RET: variants seen among roughly 807,000 people sequenced by gnomAD.
RET encodes the protein proto-oncogene tyrosine-protein kinase receptor Ret.
RET carries 19 observed loss-of-function variants against 118.3 expected under a neutral mutation model. The observed-to-expected ratio is 0.16, with a 90% CI of 0.11 to 0.24. The LOEUF is 0.24. Among genes scored for constraint, RET ranks in the 10% least tolerant of loss-of-function variants. The pLI is 1.00. For missense variants in RET, 1,219 were observed against 1,502.1 expected, an observed-to-expected ratio of 0.81 and a Z score of 3.12; for synonymous variants, 597 against 644.1, an observed-to-expected ratio of 0.93 and a Z score of 1.11.
At chr10:43,104,919 A>T in intron 3 of RET, 33 bp from the exon 4 acceptor site, 1 of 1,545,734 alleles carries the variant, frequency 6.5e-7, no homozygotes. Flanking sequence ...CCGGCTGGTG[A>T]TCACGCGGGG....
chr10:43,125,569 G>T (rs1312767669), intron 18 of RET, among the ~76,000 whole-genome samples: 2 of 152,190 alleles, frequency 1.3e-5, no homozygotes, highest in Admixed American at 6.5e-5. Context: ...AGCATATCGG[G>T]GGGTGGCCAG....
intron 16 of RET, 137 bp from the exon 17 acceptor site, chr10:43,123,534 G>C (rs1187139656): frequency 2.5e-6 from 3 of 1,185,696 alleles, no homozygotes; most frequent in African/African-American, 3.0e-5. Context: ...CCAGACCCAG[G>C]CTGACATCTG....
chr10:43,109,285 G>A lies in RET; in HGVS notation c.1263+55G>A, dbSNP rs1230923361. The A allele has an allele frequency of 3.2e-6, 5 of 1,564,706 alleles. No individual in the cohort carries two copies. The South Asian group carries it at 4.5e-5, about 14-fold the overall frequency. ...AAGATTGAAAGGCCAAGGGACATGG[G>A]GGCACAGGGAGGCAGGTGACACTGC... On this transcript the variant is annotated intron_variant, in intron 6 of 19. Transcript: ENST00000355710.
At chr10:43,121,742 C>T (rs572964228) in intron 15 of RET, among the ~76,000 whole-genome samples, 10 of 152,264 alleles carry the variant, frequency 6.6e-5, no homozygotes, top group Non-Finnish European at 1.5e-4. Context: ...AGCTGACTCC[C>T]GCCAGCATCT....
intron 1 of RET, among the ~76,000 whole-genome samples, chr10:43,082,509 C>G (rs1225160133): frequency 6.6e-6 from 1 of 152,204 alleles, no homozygotes; most frequent in African/African-American, 2.4e-5. Context: ...TGCTGGGGCT[C>G]TGTGCTCAGG....
intron 1 of RET, among the ~76,000 whole-genome samples, chr10:43,079,564 T>C (rs1837132414): frequency 6.6e-6 from 1 of 152,208 alleles, no homozygotes; most frequent in African/African-American, 2.4e-5. Context: ...TCCCCCCAGG[T>C]CCCAGGCTGA....
rs1313090532 is a variant in RET, at chr10:43,129,821, T to C, written c.*1552T>C. 2.5e-6 allele frequency: 1 copy of C among 395,974 alleles called. No homozygotes were observed. Among genetic ancestry groups the C allele is most frequent in the East Asian group, 3.6e-5 (1 of 27,966 alleles). 24.5% of individuals were successfully genotyped at this position (395,974 alleles called of 1,614,324 possible). A position where few individuals can be genotyped will look rare whatever the true frequency, so the allele number is the denominator to read the frequency against. On this transcript the variant is annotated 3_prime_UTR_variant, in exon 20 of 20. Transcript: ENST00000355710. ...AGAGGGAGAGTTTGAAAAATGCTTA[T>C]TGGACACGTAACCTGGCTCTAATTT...
chr10:43,077,092 C>G lies in RET; in HGVS notation c.-167C>G. ...TCAGTCCCGCGACCGAAGCAGGGCG[C>G]GCAGCAGCGCTGAGTGCCCCGGAAC... On this transcript the variant is annotated 5_prime_UTR_variant, in exon 1 of 20. Transcript: ENST00000355710. The G allele has an allele frequency of 3.8e-6, 4 of 1,041,366 alleles. No homozygotes were observed. The African/African-American group carries it at 5.0e-5, about 13-fold the overall frequency. 64.5% of individuals were successfully genotyped at this position (1,041,366 alleles called of 1,614,324 possible).
intron 6 of RET, 143 bp downstream of exon 6, chr10:43,109,373 A>G: frequency 1.2e-6 from 1 of 863,532 alleles, no homozygotes. Context: ...CAGGAGGTAC[A>G]GCTGTGTGCA....
At chr10:43,124,656 A>T (rs1341960795) in intron 17 of RET, among the ~76,000 whole-genome samples, 1 of 152,224 alleles carries the variant, frequency 6.6e-6, no homozygotes, top group African/African-American at 2.4e-5. Flanking sequence ...TCTGGACCAC[A>T]GCTCTGAGAG....
At chr10:43,082,051 G>T (rs780980498) in intron 1 of RET, among the ~76,000 whole-genome samples, 3 of 152,152 alleles carry the variant, frequency 2.0e-5, no homozygotes. Flanking sequence ...CTCTGGTCCC[G>T]CAGCTGTGTG....
chr10:43,106,779 T>C lies in RET; in HGVS notation c.1063+208T>C, dbSNP rs1429939037. Among the ~76,000 whole-genome samples, 1 of 152,026 alleles carries C rather than the reference T, an allele frequency of 6.6e-6. No individual in the cohort carries two copies. Among genetic ancestry groups the C allele is most frequent in the Admixed American group, 6.5e-5 (1 of 15,268 alleles). On this transcript the variant is annotated intron_variant, in intron 5 of 19. Coordinates refer to ENST00000355710, the MANE Select transcript of RET (RefSeq NM_020975.6). This position sits in a 1 kb window ranked among gnomAD's most constrained non-coding sequence, Gnocchi z 5.1. ...AGCAGGGCTTTCACCATGGGACCTC[T>C]CTCCCTGAGCTGATCCATGGCCGAC... is the stretch of plus-strand genomic sequence containing the variant.
intron 1 of RET, among the ~76,000 whole-genome samples, chr10:43,080,582 A>G (rs929912248): frequency 6.6e-6 from 1 of 152,178 alleles, no homozygotes; most frequent in Non-Finnish European, 1.5e-5. Context: ...GGGTGGGGCT[A>G]AGGAGGGCTT....
At chr10:43,109,890 C>T (rs557996083) in intron 6 of RET, among the ~76,000 whole-genome samples, 31 of 152,328 alleles carry the variant, frequency 2.0e-4, no homozygotes, top group Non-Finnish European at 3.7e-4. Context: ...GGATGTTTCT[C>T]GTAAGCACTT....
At chr10:43,104,196 C>G (rs1837705324) in intron 3 of RET, among the ~76,000 whole-genome samples, 1 of 152,010 alleles carries the variant, frequency 6.6e-6, no homozygotes, top group African/African-American at 2.4e-5. Flanking sequence ...CACATCATAC[C>G]CCAGATGTCC....
chr10:43,124,798 G>A, intron 17 of RET, 85 bp from the exon 18 acceptor site: 1 of 1,299,680 alleles, frequency 7.7e-7, no homozygotes, highest in South Asian at 1.2e-5. Flanking sequence ...CAGGGTACAG[G>A]GCAGGGTGCG....
chr10:43,089,812 A>G (rs548456094), intron 1 of RET, among the ~76,000 whole-genome samples: 68 of 152,346 alleles, frequency 4.5e-4, no homozygotes, highest in African/African-American at 1.5e-3. Flanking sequence ...GAGCAGGTTG[A>G]GTGTATGGGC....
chr10:43,106,295 C>A lies in RET; in HGVS notation c.868-81C>A. On this transcript the variant is annotated intron_variant, in intron 4 of 19. Transcript: ENST00000355710. This position sits in a 1 kb window ranked among gnomAD's most constrained non-coding sequence, Gnocchi z 5.1. ...CCACCTATGGGCTGTGTGGGACGTG[C>A]AGCATTCTAAGGTCTCTGGTTTTGG... 1 of 1,351,964 alleles carries A rather than the reference C, an allele frequency of 7.4e-7. No homozygotes were observed. Among genetic ancestry groups the A allele is most frequent in the Admixed American group, 1.7e-5 (1 of 57,160 alleles). The allele number at this position is 1,351,964 out of a possible 1,614,324, so 83.7% of individuals were successfully genotyped here. A position where few individuals can be genotyped will look rare whatever the true frequency, so the allele number is the denominator to read the frequency against.
intron 19 of RET, chr10:43,127,006 C>A: frequency 1.5e-6 from 2 of 1,340,904 alleles, no homozygotes; most frequent in Non-Finnish European, 1.9e-6. Flanking sequence ...TCAGGGGAGA[C>A]CAAGAACAGG....
Sources: gnomAD v4.1 joint callset for allele counts (sites outside exome capture counted in the v4.1 genomes callset) on GRCh38, gnomAD v4.1.1 for gene constraint, Gnocchi (gnomAD v3.1) non-coding constraint, MANE v1.5 for transcripts, NCBI Gene and HGNC (gene_info 2026-07-23, HGNC 2026-07-21) for gene names.